The following KLF12 variants were observed in gnomAD, a reference collection of about 807,000 sequenced individuals.
The protein encoded by KLF12 is KLF transcription factor 12, also known as Krueppel-like factor 12.
A neutral mutation model predicts 37.8 loss-of-function variants in KLF12; 9 were observed. The observed-to-expected ratio is 0.24, with a 90% confidence interval of 0.14 to 0.42. The LOEUF is 0.42. Ranked by LOEUF, KLF12 falls within the 10% of genes least tolerant of loss-of-function variation. The pLI, the probability that KLF12 is intolerant of heterozygous loss-of-function variation, is 1.00. For synonymous variants in KLF12, 208 were observed against 202.1 expected, an observed-to-expected ratio of 1.03 and a Z score of -0.25; for missense variants, 411 against 516.0, an observed-to-expected ratio of 0.80 and a Z score of 1.97.
At chr13:73,785,897 A>T (rs918873488) in intron 5 of KLF12, among the ~76,000 whole-genome samples, 1 of 152,168 alleles carries the variant, frequency 6.6e-6, no homozygotes, top group Non-Finnish European at 1.5e-5. Flanking sequence ...AGATAGCGGA[A>T]GGCAGCTCAG....
At chr13:73,935,298 T>C (rs528597940) in intron 3 of KLF12, among the ~76,000 whole-genome samples, 1 of 152,276 alleles carries the variant, frequency 6.6e-6, no homozygotes, top group East Asian at 1.9e-4. Flanking sequence ...CTACTTTGGA[T>C]AGTTTTTATT....
At chr13:74,258,155 CTGTGTTTGTGTGTGTGTG>C in the KLF12 span, 1 of 88,300 alleles carries the variant, frequency 1.1e-5, no homozygotes, top group African/African-American at 6.4e-5. Context: ...TGGTCTATTA[CTGTGTTTGTGTGTGTGTG>C]TGTGTGTGTG....
intron 1 of KLF12, among the ~76,000 whole-genome samples, chr13:74,033,942 C>T (rs1401174349): frequency 6.7e-6 from 1 of 149,128 alleles, no homozygotes; most frequent in African/African-American, 2.5e-5. Flanking sequence ...TAATCTTACC[C>T]AAGCTGAAAG....
chr13:73,973,886 A>G (rs1048310226), intron 2 of KLF12, among the ~76,000 whole-genome samples: 2 of 152,158 alleles, frequency 1.3e-5, no homozygotes, highest in African/African-American at 2.4e-5. Flanking sequence ...AGATGAAATG[A>G]TAAGACAACA....
chr13:74,090,604 T>A (rs1875592696), intron 1 of KLF12, among the ~76,000 whole-genome samples: 1 of 152,164 alleles, frequency 6.6e-6, no homozygotes, highest in South Asian at 2.1e-4. Context: ...TGACTAATGA[T>A]GATGAACAAT....
intron 1 of KLF12, among the ~76,000 whole-genome samples, chr13:74,025,884 G>C (rs758708843): frequency 6.6e-6 from 1 of 152,134 alleles, no homozygotes; most frequent in Non-Finnish European, 1.5e-5. Context: ...CTTGACAACT[G>C]TCAGATAACC....
the KLF12 span, among the ~76,000 whole-genome samples, chr13:74,223,802 T>C: frequency 6.6e-6 from 1 of 152,206 alleles, no homozygotes; most frequent in Admixed American, 6.5e-5. Flanking sequence ...GTCCTAGTTG[T>C]GTGTGACTAT....
chr13:74,082,130 C>T (rs1361078850), intron 1 of KLF12, among the ~76,000 whole-genome samples: 1 of 120,310 alleles, frequency 8.3e-6, no homozygotes. Context: ...GAATTCAAGA[C>T]AAAACTGGGC....
chr13:74,081,114 A>G (rs557734089), intron 1 of KLF12, among the ~76,000 whole-genome samples: 27 of 152,366 alleles, frequency 1.8e-4, no homozygotes, highest in African/African-American at 6.5e-4. Flanking sequence ...TAGTCAACCA[A>G]TTAAACAGCA....
At chr13:74,103,302 A>T (rs1215497874) in intron 1 of KLF12, among the ~76,000 whole-genome samples, 1 of 152,246 alleles carries the variant, frequency 6.6e-6, no homozygotes, top group Non-Finnish European at 1.5e-5. Context: ...TTAAAATAGG[A>T]GTATCCTTGT....
the KLF12 span, among the ~76,000 whole-genome samples, chr13:74,273,493 T>C: frequency 2.0e-5 from 3 of 152,032 alleles, no homozygotes; most frequent in Non-Finnish European, 4.4e-5. Flanking sequence ...TCCATATTTG[T>C]GAAGTTTTCC....
chr13:73,943,430 A>G (rs1890278593), intron 3 of KLF12, among the ~76,000 whole-genome samples: 2 of 152,220 alleles, frequency 1.3e-5, no homozygotes, highest in African/African-American at 4.8e-5. Flanking sequence ...CCATAAATGA[A>G]TTCATTGGTT....
chr13:73,829,831 C>T (rs559015131), intron 4 of KLF12, among the ~76,000 whole-genome samples: 4 of 152,158 alleles, frequency 2.6e-5, no homozygotes, highest in South Asian at 4.1e-4. Context: ...GCATTCTCAA[C>T]GTTCTTCATA....
chr13:74,071,072 A>G (rs1047009186), intron 1 of KLF12, among the ~76,000 whole-genome samples: 7 of 152,228 alleles, frequency 4.6e-5, no homozygotes, highest in African/African-American at 1.7e-4. Context: ...GTTAACCACC[A>G]CACCCTAATA....
chr13:73,972,036 A>C (rs2138110985), intron 2 of KLF12, among the ~76,000 whole-genome samples: 1 of 152,350 alleles, frequency 6.6e-6, no homozygotes, highest in South Asian at 2.1e-4. Flanking sequence ...AATCAAACCA[A>C]ATGATATGAA....
rs149814985 is a variant in KLF12 at position 73,890,176 on chromosome 13, C to T, written c.124-43803G>A. 1.8e-3 allele frequency among the ~76,000 whole-genome samples: 276 copies of T among 152,182 alleles called. 2 individuals carry two copies. Among genetic ancestry groups the T allele is most frequent in the African/African-American group, 6.4e-3 (264 of 41,540 alleles). On this transcript the variant is annotated intron_variant, in intron 3 of 7. Transcript: ENST00000377669. ...ACTGATTTCCTCTGATTTTCTCCCACCCAACACTGTATTCCTTATTTTCTG... is the reference window on the plus strand; with the variant it reads ...ACTGATTTCCTCTGATTTTCTCCCATCCAACACTGTATTCCTTATTTTCTG...
At chr13:74,068,478 T>A (rs1168221608) in intron 1 of KLF12, among the ~76,000 whole-genome samples, 1 of 152,186 alleles carries the variant, frequency 6.6e-6, no homozygotes, top group Non-Finnish European at 1.5e-5. Flanking sequence ...GGATTCATGC[T>A]GGAAGAAAGT....
At chr13:73,850,207 C>T (rs530731093) in intron 3 of KLF12, among the ~76,000 whole-genome samples, 2 of 152,254 alleles carry the variant, frequency 1.3e-5, no homozygotes, top group South Asian at 4.1e-4. Flanking sequence ...AGTCTCAAAG[C>T]CAGTTTTACT....
the KLF12 span, among the ~76,000 whole-genome samples, chr13:74,199,066 A>G: frequency 1.2e-4 from 19 of 152,208 alleles, no homozygotes; most frequent in African/African-American, 4.6e-4. Context: ...CCATGAGTCC[A>G]CTAGACCCAG....
Sources: gnomAD v4.1 joint callset for allele counts (sites outside exome capture counted in the v4.1 genomes callset) on GRCh38, gnomAD v4.1.1 for gene constraint, MANE v1.5 for transcripts, NCBI Gene and HGNC (gene_info 2026-07-23, HGNC 2026-07-21) for gene names.